The following CD44 variants were observed in gnomAD, a reference collection of about 807,000 sequenced individuals.
CD44 encodes CD44 molecule (IN blood group).
CD44 carries 49 observed loss-of-function variants against 88.8 expected under a neutral mutation model. The observed-to-expected ratio is 0.55, with a 90% confidence interval of 0.44 to 0.70. The LOEUF is 0.70. CD44 is among the 30% of genes least tolerant of loss of function. CD44 has a pLI of 0.00. For synonymous variants in CD44, 325 were observed against 312.3 expected (o/e 1.04, Z -0.43); for missense variants, 883 against 913.8 (o/e 0.97, Z 0.43).
At chr11:35,181,328 C>T (rs938829318) in intron 3 of CD44, among the ~76,000 whole-genome samples, 3 of 152,228 alleles carry the variant, frequency 2.0e-5, no homozygotes, top group African/African-American at 7.2e-5. Flanking sequence ...GACTTTCTCC[C>T]AACCATTAAC....
Position 35,203,419 on chromosome 11 carries a change from G to T in CD44, c.1154-1093G>T, listed in dbSNP as rs1000915001. On this transcript the variant is annotated intron_variant, in intron 9 of 17. Transcript: ENST00000428726. Reference sequence around the variant, plus strand: ...TTTCCCTTTTTTGTAATTACATTCAGTGGTTTTTGTAACTTCATTATTTAT... The same window carrying T: ...TTTCCCTTTTTTGTAATTACATTCATTGGTTTTTGTAACTTCATTATTTAT... Among the ~76,000 whole-genome samples, 5 of 152,072 alleles carry T rather than the reference G, an allele frequency of 3.3e-5. No individual in the cohort carries two copies. In the East Asian group the frequency reaches 9.6e-4, roughly 29 times the overall value.
At chr11:35,159,895 C>G (rs1239437662) in intron 1 of CD44, among the ~76,000 whole-genome samples, 1 of 152,280 alleles carries the variant, frequency 6.6e-6, no homozygotes, top group African/African-American at 2.4e-5. Context: ...TAGAATGGAG[C>G]CTTGAAAGTT....
At chr11:35,176,471 C>T in intron 1 of CD44, 104 bp from the exon 2 acceptor site, 3 of 1,052,136 alleles carry the variant, frequency 2.9e-6, no homozygotes, top group Non-Finnish European at 4.1e-6. Context: ...AGCCACCGCG[C>T]CCGGCCTTAT....
intron 12 of CD44, among the ~76,000 whole-genome samples, chr11:35,209,139 C>A (rs980062433): frequency 6.6e-6 from 1 of 152,096 alleles, no homozygotes; most frequent in South Asian, 2.1e-4. Context: ...AATATTTATT[C>A]GGTGGTGGGC....
intron 7 of CD44, 71 bp downstream of exon 7, chr11:35,198,317 T>C (rs754440585): frequency 4.1e-6 from 6 of 1,455,854 alleles, no homozygotes; most frequent in Non-Finnish European, 5.7e-6. Flanking sequence ...TACCAAATTG[T>C]ATCTCTCTTG....
chr11:35,191,103 A>G (rs545617669), intron 5 of CD44, among the ~76,000 whole-genome samples: 1 of 152,052 alleles, frequency 6.6e-6, no homozygotes, highest in Non-Finnish European at 1.5e-5. Flanking sequence ...TATGGTGTGG[A>G]TGTTCTCTTT....
At chr11:35,170,212 T>C (rs1462131356) in intron 1 of CD44, among the ~76,000 whole-genome samples, 1 of 152,230 alleles carries the variant, frequency 6.6e-6, no homozygotes, top group African/African-American at 2.4e-5. Flanking sequence ...TAACAACCTG[T>C]GTCACCTAAA....
intron 1 of CD44, among the ~76,000 whole-genome samples, chr11:35,145,369 T>A (rs933347470): frequency 6.6e-6 from 1 of 152,124 alleles, no homozygotes; most frequent in East Asian, 1.9e-4. Flanking sequence ...TACATTTATG[T>A]GTAAGTGAGA....
intron 1 of CD44, among the ~76,000 whole-genome samples, chr11:35,166,741 G>A (rs1943319034): frequency 6.6e-6 from 1 of 152,356 alleles, no homozygotes; most frequent in Middle Eastern, 3.4e-3. Flanking sequence ...TCAGTTGAAA[G>A]CAACCCAGGG....
intron 17 of CD44, among the ~76,000 whole-genome samples, chr11:35,226,253 T>G (rs1341926155): frequency 6.6e-6 from 1 of 152,186 alleles, no homozygotes; most frequent in African/African-American, 2.4e-5. Context: ...TCGTTTAGAT[T>G]AACAACATTA....
chr11:35,154,206 G>C (rs772783714), intron 1 of CD44, among the ~76,000 whole-genome samples: 1 of 152,214 alleles, frequency 6.6e-6, no homozygotes, highest in Non-Finnish European at 1.5e-5. Context: ...TTCGTTGAAA[G>C]TTCCTTGATC....
rs749923924 is a variant in CD44, at chr11:35,206,168, G to C, written c.1339G>C (p.Asp447His). ...AGGAAGGACAACACCAAGCCCAGAG[G>C]ACAGTTCCTGGACTGATTTCTTCAA... ...MQGRTTPSPE[D>H]SSWTDFFNPI... The change falls in exon 11 of 18, where the codon GAC (aspartate) becomes CAC (histidine). Residue 447 changes from aspartate (D) to histidine (H), a missense_variant. Asp to His is a moderately conservative substitution (Grantham distance 81). Around this residue, in one of 2 missense-constraint regions of CD44, gnomAD observed 631 missense variants for 590.9 expected, o/e 1.07. Transcript: ENST00000428726. 3 of 1,612,232 alleles carry C rather than the reference G, an allele frequency of 1.9e-6. No individual in the cohort carries two copies. Among genetic ancestry groups the C allele is most frequent in the Non-Finnish European group, 2.5e-6 (3 of 1,179,058 alleles).
At chr11:35,208,795 T>C (rs1332678729) in intron 12 of CD44, among the ~76,000 whole-genome samples, 1 of 152,208 alleles carries the variant, frequency 6.6e-6, no homozygotes, top group Non-Finnish European at 1.5e-5. Context: ...TTCTACTCTA[T>C]GTGCAGGGAT....
At chr11:35,143,889 A>G (rs1316388363) in intron 1 of CD44, among the ~76,000 whole-genome samples, 1 of 152,230 alleles carries the variant, frequency 6.6e-6, no homozygotes, top group Non-Finnish European at 1.5e-5. Flanking sequence ...TGTCTACAGG[A>G]CAAGTTAGGG....
chr11:35,205,645 T>C (rs1468744030), intron 10 of CD44: 2 of 199,636 alleles, frequency 1.0e-5, no homozygotes, highest in African/African-American at 4.7e-5. Context: ...ATAAATGGCA[T>C]TGACTTTCAT....
chr11:35,162,866 G>C (rs1942802212), intron 1 of CD44, among the ~76,000 whole-genome samples: 1 of 151,964 alleles, frequency 6.6e-6, no homozygotes, highest in African/African-American at 2.4e-5. Flanking sequence ...ATGCTCTTGT[G>C]CACACAGACA....
At chr11:35,175,249 G>A (rs1032371209) in intron 1 of CD44, among the ~76,000 whole-genome samples, 18 of 152,200 alleles carry the variant, frequency 1.2e-4, no homozygotes, top group African/African-American at 2.4e-4. Context: ...GGAGCCAGGA[G>A]CCAGATTATG....
intron 6 of CD44, 190 bp downstream of exon 6, chr11:35,197,064 T>C (rs1946828585): frequency 1.7e-6 from 1 of 576,490 alleles, no homozygotes; most frequent in South Asian, 2.1e-5. Context: ...AGATTTCTTC[T>C]TTCTAATCTA....
At chr11:35,222,397 A>G (rs1949374226) in intron 17 of CD44, 1 of 1,299,192 alleles carries the variant, frequency 7.7e-7, no homozygotes, top group Non-Finnish European at 1.0e-6. Context: ...AGGTTATAGC[A>G]TAAGAAGAGC....
Sources: gnomAD v4.1 joint callset for allele counts (sites outside exome capture counted in the v4.1 genomes callset) on GRCh38, gnomAD v4.1.1 for gene constraint, gnomAD v4.1.1 regional missense constraint, MANE v1.5 for transcripts, NCBI Gene and HGNC (gene_info 2026-07-23, HGNC 2026-07-21) for gene names.